Variants in C11orf65 observed in about 807,000 individuals in gnomAD.
C11orf65 encodes the protein chromosome 11 open reading frame 65, also known as protein MFI.
Under a neutral mutation model 35.3 loss-of-function variants are expected in C11orf65, and 38 were observed. The ratio of observed to expected loss-of-function variants is 1.08; its 90% confidence interval spans 0.83 to 1.41. The LOEUF is 1.41. C11orf65 is among the 40% of genes most tolerant of loss of function. C11orf65 has a pLI of 0.00. For missense variants in C11orf65, 370 were observed against 367.1 expected, an observed-to-expected ratio of 1.01 and a Z score of -0.06; for synonymous variants, 105 against 114.4, an observed-to-expected ratio of 0.92 and a Z score of 0.53.
chr11:108,328,919 T>C, downstream of C11orf65: 2 of 1,224,118 alleles, frequency 1.6e-6, no homozygotes, highest in Non-Finnish European at 2.3e-6. Context: ...AGCTTTTATA[T>C]GTATATAAGT....
chr11:108,391,045 C>G (rs1036649886), intron 7 of C11orf65, among the ~76,000 whole-genome samples: 1 of 151,822 alleles, frequency 6.6e-6, no homozygotes. Flanking sequence ...TTCCTTGCAT[C>G]ATTATTCTCT....
At chr11:108,400,658 C>T (rs1010637719) in intron 6 of C11orf65, among the ~76,000 whole-genome samples, 8 of 152,162 alleles carry the variant, frequency 5.3e-5, no homozygotes, top group South Asian at 4.1e-4. Flanking sequence ...GAAGCCACAT[C>T]TGGAAGCCTC....
At chr11:108,401,112 GA>G (rs35060879) in intron 6 of C11orf65, among the ~76,000 whole-genome samples, 311 of 142,690 alleles carry the variant, frequency 2.2e-3, no homozygotes, top group South Asian at 4.0e-3. Flanking sequence ...CCGTCTCAAA[GA>G]AAAAAAAAAA....
chr11:108,357,290 T>G (rs1591331205), intron 2 of C11orf65, among the ~76,000 whole-genome samples: 1 of 150,924 alleles, frequency 6.6e-6, no homozygotes, highest in South Asian at 2.1e-4. Flanking sequence ...GCTTGGAGGG[T>G]CCTACGCCCA....
downstream of C11orf65, chr11:108,327,651 C>G (rs769606850): frequency 6.2e-7 from 1 of 1,613,446 alleles, no homozygotes; most frequent in Non-Finnish European, 8.5e-7. Flanking sequence ...ACAGAACAAT[C>G]CCAGCCTAAA....
At chr11:108,323,972 T>G (rs1188501189) in intron 6 of C11orf65, among the ~76,000 whole-genome samples, 2 of 152,202 alleles carry the variant, frequency 1.3e-5, no homozygotes, top group Non-Finnish European at 2.9e-5. Context: ...TAAGTTTTGT[T>G]TTGTTTTGGG....
intron 2 of C11orf65, among the ~76,000 whole-genome samples, chr11:108,349,964 A>G (rs1274413798): frequency 1.3e-5 from 2 of 152,184 alleles, no homozygotes; most frequent in African/African-American, 2.4e-5. Flanking sequence ...AGGAAGGAGT[A>G]TGAGGGAATT....
Position 108,376,062 on chromosome 11 carries a change from C to A in C11orf65, c.226+17146G>T, listed in dbSNP as rs1321757020. On this transcript the variant is annotated intron_variant, in intron 2 of 3. Coordinates refer to the C11orf65 transcript ENST00000524755. ...GGAGACTTTAACACCCCACTGTCAA[C>A]ATTAGACAGATCAACGAGACAAAAA... is the stretch of plus-strand genomic sequence containing the variant. Among the ~76,000 whole-genome samples the A allele has an allele frequency of 2.6e-5, 4 of 152,084 alleles. No homozygotes were observed. In the South Asian group the frequency reaches 8.3e-4, roughly 32 times the overall value.
intron 2 of C11orf65, among the ~76,000 whole-genome samples, chr11:108,376,652 A>G (rs1591416885): frequency 6.6e-6 from 1 of 152,262 alleles, no homozygotes; most frequent in South Asian, 2.1e-4. Flanking sequence ...AAGGAAATAG[A>G]GACACAAAAA....
intron 2 of C11orf65, among the ~76,000 whole-genome samples, chr11:108,376,350 T>C (rs1368054261): frequency 6.6e-6 from 1 of 152,086 alleles, no homozygotes; most frequent in South Asian, 2.1e-4. Context: ...CTCAACTACA[T>C]GGAAACTGAA....
chr11:108,429,604 A>G (rs905847215), intron 3 of C11orf65, among the ~76,000 whole-genome samples: 2 of 152,234 alleles, frequency 1.3e-5, no homozygotes, highest in Non-Finnish European at 2.9e-5. Flanking sequence ...AAACTTAAAA[A>G]TGGAATTACC....
At position 108,335,073 on chromosome 11, in the gene C11orf65, A is replaced by G. The variant is rs1188411746; in HGVS notation, c.299+147T>C. The G allele has an allele frequency of 6.2e-7, 1 of 1,614,140 alleles. No individual in the cohort carries two copies. The highest frequency in any genetic ancestry group is 8.5e-7 in the Non-Finnish European group (1 of 1,179,998). On this transcript the variant is annotated intron_variant, in intron 3 of 3. Transcript: ENST00000524755. ...ATTTACCAAAAATAATAGATTGTGT[A>G]GGTTCCGATGGCAAGGAGAGGAGAC...
exon 7 of C11orf65, chr11:108,309,028 T>C (rs1468476060): frequency 6.6e-7 from 1 of 1,526,634 alleles, no homozygotes; most frequent in East Asian, 2.5e-5. Flanking sequence ...ATAAAAATTC[T>C]TCATATTCCA....
chr11:108,376,224 G>C (rs372516367), intron 2 of C11orf65, among the ~76,000 whole-genome samples: 4 of 151,966 alleles, frequency 2.6e-5, no homozygotes, highest in South Asian at 4.2e-4. Flanking sequence ...TGACCACATA[G>C]TTGGAAGTAA....
downstream of C11orf65, chr11:108,329,256 A>G (rs777909508): frequency 1.9e-6 from 3 of 1,593,942 alleles, no homozygotes; most frequent in African/African-American, 1.3e-5. Flanking sequence ...GGTTTCTACA[A>G]GTGACAATTT....
At chr11:108,463,924 A>AT (rs10677306) in intron 1 of C11orf65, among the ~76,000 whole-genome samples, 36,913 of 132,402 alleles carry the variant, frequency 0.28, 5,797 homozygotes, top group East Asian at 0.55. Flanking sequence ...AGATTTGTTA[A>AT]TTTTTTTTTT....
chr11:108,465,638 G>C (rs1420852733), intron 1 of C11orf65, among the ~76,000 whole-genome samples: 1 of 151,916 alleles, frequency 6.6e-6, no homozygotes, highest in Non-Finnish European at 1.5e-5. Flanking sequence ...TGCTGTAAGG[G>C]AGCAGAAAAA....
At chr11:108,333,043 C>A in intron 3 of C11orf65, 1 of 955,450 alleles carries the variant, frequency 1.0e-6, no homozygotes, top group Non-Finnish European at 1.6e-6. Context: ...ATGGCTTCAG[C>A]ATTCCCTGGT....
At chr11:108,327,378 G>C (rs2085779193), downstream of C11orf65, 1 of 400,262 alleles carries the variant, frequency 2.5e-6, no homozygotes, top group Non-Finnish European at 4.7e-6. Context: ...TATATATAAA[G>C]CCTTTACAAA....
Sources: allele counts gnomAD v4.1 joint callset (sites outside exome capture counted in the v4.1 genomes callset), GRCh38; gene constraint gnomAD v4.1.1; transcripts MANE v1.5; gene names NCBI Gene and HGNC (gene_info 2026-07-23, HGNC 2026-07-21).